The following FNDC3B variants were observed in gnomAD, a reference collection of about 807,000 sequenced individuals.
FNDC3B encodes the protein fibronectin type III domain containing 3B.
FNDC3B carries 12 observed loss-of-function variants against 151.5 expected under a neutral mutation model. The observed-to-expected ratio is 0.08, with a 90% CI of 0.05 to 0.13. The LOEUF is 0.13. Among genes scored for constraint, FNDC3B ranks in the 10% least tolerant of loss-of-function variants. The pLI is 1.00. For synonymous variants in FNDC3B, 528 were observed against 549.0 expected (o/e 0.96, Z 0.54); for missense variants, 1,214 against 1,505.3 (o/e 0.81, Z 3.20).
chr3:172,379,000 A>G (rs140997061), intron 24 of FNDC3B, among the ~76,000 whole-genome samples: 2 of 152,218 alleles, frequency 1.3e-5, no homozygotes, highest in South Asian at 4.1e-4. Context: ...TGAGAGCCCC[A>G]TGTATCCAGA....
intron 3 of FNDC3B, among the ~76,000 whole-genome samples, chr3:172,208,734 A>T (rs58147194): frequency 6.2e-5 from 1 of 16,202 alleles, no homozygotes; most frequent in Non-Finnish European, 1.4e-4. Context: ...GGCCTGGATC[A>T]GGCAGCACCA....
chr3:172,154,754 G>A (rs370628045), intron 3 of FNDC3B, among the ~76,000 whole-genome samples: 2 of 152,140 alleles, frequency 1.3e-5, no homozygotes, highest in African/African-American at 4.8e-5. Flanking sequence ...TTTACCTTTG[G>A]TAGGGTCACG....
At chr3:172,257,968 A>G (rs944099824) in intron 6 of FNDC3B, among the ~76,000 whole-genome samples, 1 of 152,228 alleles carries the variant, frequency 6.6e-6, no homozygotes, top group Non-Finnish European at 1.5e-5. Flanking sequence ...GGTGGGAGGC[A>G]TTCAGTTGGA....
intron 3 of FNDC3B, among the ~76,000 whole-genome samples, chr3:172,204,181 G>A (rs1725310562): frequency 1.3e-5 from 2 of 152,170 alleles, no homozygotes; most frequent in South Asian, 2.1e-4. Flanking sequence ...TCAAAGCGAG[G>A]GAGAGAGAAA....
intron 6 of FNDC3B, among the ~76,000 whole-genome samples, chr3:172,277,146 G>A (rs905154701): frequency 6.6e-5 from 10 of 152,202 alleles, no homozygotes; most frequent in Middle Eastern, 3.4e-3. Context: ...GTGTGTGTGT[G>A]TATATATAAG....
chr3:172,254,085 A>C (rs1015015178), intron 6 of FNDC3B, among the ~76,000 whole-genome samples: 4 of 152,186 alleles, frequency 2.6e-5, no homozygotes, highest in Non-Finnish European at 5.9e-5. Context: ...ATTTGCTTGA[A>C]TAATTTAACT....
chr3:172,183,324 C>T (rs1355563580), intron 3 of FNDC3B, among the ~76,000 whole-genome samples: 2 of 152,176 alleles, frequency 1.3e-5, no homozygotes, highest in African/African-American at 4.8e-5. Flanking sequence ...TGTACTAAAA[C>T]CTATCATTTC....
chr3:172,161,300 G>A (rs1722753416), intron 3 of FNDC3B, among the ~76,000 whole-genome samples: 1 of 152,324 alleles, frequency 6.6e-6, no homozygotes, highest in African/African-American at 2.4e-5. Flanking sequence ...AGTCAAGAAA[G>A]CACAATGAAG....
At chr3:172,262,360 CTT>C (rs1728689161) in intron 6 of FNDC3B, among the ~76,000 whole-genome samples, 1 of 152,192 alleles carries the variant, frequency 6.6e-6, no homozygotes, top group South Asian at 2.1e-4. Flanking sequence ...ATCTCCTACT[CTT>C]TTCCTATTTG....
chr3:172,339,702 G>A (rs1031449096), intron 16 of FNDC3B, among the ~76,000 whole-genome samples: 3 of 152,166 alleles, frequency 2.0e-5, no homozygotes, highest in Non-Finnish European at 2.9e-5. Flanking sequence ...AATTCTCATG[G>A]CTCCCTTTAG....
chr3:172,335,110 T>G, intron 15 of FNDC3B, 28 bp downstream of exon 15: 3 of 1,483,682 alleles, frequency 2.0e-6, no homozygotes, highest in African/African-American at 2.9e-5. Context: ...TGCTACTGTT[T>G]TTTTTTTTTT....
Position 172,251,500 on chromosome 3 carries a change from G to A in FNDC3B, c.749G>A (p.Arg250Gln), listed in dbSNP as rs779839447. The change falls in exon 6 of 26, where the codon CGA (arginine) becomes CAA (glutamine). Residue 250 changes from arginine (R) to glutamine (Q), a missense_variant. Physicochemically the swap from Arg to Gln is conservative, Grantham distance 43 (BLOSUM62 1). Around this residue, in one of 7 missense-constraint regions of FNDC3B, gnomAD observed 166 missense variants for 173.2 expected, o/e 0.96. Transcript: ENST00000415807. ...SGPGIKKTER[R>Q]ARSSPKSNDS... is the part of the protein sequence containing the mutation. Reference sequence around the variant, plus strand: ...CCCGGAATTAAGAAAACAGAGCGACGAGCAAGAAGCAGCCCAAAGTCGAAT... The same window carrying A: ...CCCGGAATTAAGAAAACAGAGCGACAAGCAAGAAGCAGCCCAAAGTCGAAT... 20 of 1,613,806 alleles carry A rather than the reference G, an allele frequency of 1.2e-5. No homozygotes were observed. Among genetic ancestry groups the A allele is most frequent in the South Asian group, 1.1e-4 (10 of 91,060 alleles).
chr3:172,042,838 T>G (rs1400957798), intron 1 of FNDC3B, among the ~76,000 whole-genome samples: 1 of 151,988 alleles, frequency 6.6e-6, no homozygotes, highest in Non-Finnish European at 1.5e-5. Context: ...TAAGTTTTTT[T>G]TTTTTTTTTT....
At chr3:172,110,161 G>A (rs1243914360) in intron 1 of FNDC3B, among the ~76,000 whole-genome samples, 1 of 152,196 alleles carries the variant, frequency 6.6e-6, no homozygotes. Flanking sequence ...TAGATGTGTT[G>A]TTGGTGTTCA....
chr3:172,104,575 T>G (rs2108527767), intron 1 of FNDC3B, among the ~76,000 whole-genome samples: 1 of 152,308 alleles, frequency 6.6e-6, no homozygotes, highest in South Asian at 2.1e-4. Context: ...GGAAAAGCAC[T>G]AAAACAACCT....
Position 172,397,519 on chromosome 3 carries a change from TACAC to T in FNDC3B, c.*48_*51del, listed in dbSNP as rs764825957. 2 of 1,258,674 alleles carry T rather than the reference TACAC, an allele frequency of 1.6e-6. No homozygotes were observed. Among genetic ancestry groups the T allele is most frequent in the East Asian group, 2.3e-5 (1 of 42,894 alleles). 78.0% of individuals were successfully genotyped at this position (1,258,674 alleles called of 1,614,324 possible). A position where few individuals can be genotyped will look rare whatever the true frequency, so the allele number is the denominator to read the frequency against. On this transcript the variant is annotated 3_prime_UTR_variant, in exon 26 of 26. Transcript: ENST00000415807. The stretch of plus-strand genomic sequence containing the variant: ...TATGAATTAATGCTACACATTTTAA[TACAC>T]ACATTTATTCAGATACTCCCCTTTT...
At chr3:172,396,448 T>C (rs1327559157) in intron 25 of FNDC3B, among the ~76,000 whole-genome samples, 1 of 152,214 alleles carries the variant, frequency 6.6e-6, no homozygotes, top group East Asian at 1.9e-4. Context: ...GTTTCCATTT[T>C]AGAATGTTAA....
At chr3:172,389,044 A>T (rs1735872856) in intron 25 of FNDC3B, among the ~76,000 whole-genome samples, 1 of 152,184 alleles carries the variant, frequency 6.6e-6, no homozygotes, top group Non-Finnish European at 1.5e-5. Context: ...AGGGACAGGT[A>T]TTACAAAGAT....
intron 3 of FNDC3B, among the ~76,000 whole-genome samples, chr3:172,189,799 TAAAA>T (rs60894339): frequency 8.3e-5 from 7 of 84,312 alleles, no homozygotes; most frequent in African/African-American, 2.9e-4. Flanking sequence ...AGACCTTGTC[TAAAA>T]AAAAAAAAAA....
Sources: allele counts gnomAD v4.1 joint callset (sites outside exome capture counted in the v4.1 genomes callset), GRCh38; gene constraint gnomAD v4.1.1; regional missense constraint gnomAD v4.1.1; transcripts MANE v1.5; gene names NCBI Gene and HGNC (gene_info 2026-07-23, HGNC 2026-07-21).